Variants in ZNF317 observed in about 807,000 individuals in gnomAD.
ZNF317 encodes zinc finger protein 317.
Under a neutral mutation model 23.4 loss-of-function variants are expected in ZNF317, and 17 were observed. The ratio of observed to expected loss-of-function variants is 0.73; its 90% CI spans 0.50 to 1.09. The LOEUF (loss-of-function observed/expected upper bound fraction) is 1.09. Among genes scored for constraint, ZNF317 ranks in the 50% least tolerant of loss-of-function variants. The probability of loss-of-function intolerance (pLI) is 0.00; values close to 1 mark genes in which losing one functional copy is unlikely to be tolerated. For missense variants in ZNF317, 679 were observed against 796.7 expected (o/e 0.85, Z 1.78); for synonymous variants, 317 against 314.9 (o/e 1.01, Z -0.07).
At chr19:9,156,506 G>A in intron 2 of ZNF317, 106 bp from the exon 3 acceptor site, 1 of 1,390,790 alleles carries the variant, frequency 7.2e-7, no homozygotes, top group Non-Finnish European at 9.8e-7. Context: ...AGAGGATTGA[G>A]GATGTGAACA....
At chr19:9,158,358 T>G (rs2050808959) in intron 5 of ZNF317, among the ~76,000 whole-genome samples, 1 of 136,626 alleles carries the variant, frequency 7.3e-6, no homozygotes, top group African/African-American at 2.9e-5. Context: ...TTAAATTTCT[T>G]TTTTCTTTTT....
rs571101311 is a variant in ZNF317, at chr19:9,146,681, C to T, written c.-93+6089C>T. 4.6e-5 allele frequency among the ~76,000 whole-genome samples: 7 copies of T among 152,192 alleles called. No individual in the cohort carries two copies. The East Asian group carries it at 1.4e-3, about 29-fold the overall frequency. Reference sequence around the variant, plus strand: ...CTGACTTCAAATGATCTGCCCGCCTCAGCCTCCCAAAGTGCTGAGATTACA... The same window carrying T: ...CTGACTTCAAATGATCTGCCCGCCTTAGCCTCCCAAAGTGCTGAGATTACA... On this transcript the variant is annotated intron_variant, in intron 1 of 6. Transcript: ENST00000247956.
At chr19:9,146,719 C>T (rs1311128826) in intron 1 of ZNF317, among the ~76,000 whole-genome samples, 1 of 152,108 alleles carries the variant, frequency 6.6e-6, no homozygotes, top group Admixed American at 6.6e-5. Flanking sequence ...CATGAGCCAC[C>T]ATGCTGGGCC....
chr19:9,155,970 G>T lies in ZNF317; in HGVS notation c.-47G>T, dbSNP rs1305524307. The T allele has an allele frequency of 1.9e-6, 3 of 1,613,756 alleles. No homozygotes were observed. In the African/African-American group the frequency reaches 4.0e-5, roughly 22 times the overall value. ...GTGAGAGCAAGAGAGTAGCTTTCTG[G>T]TTGTCCTGGTGCCCTGCTCAGGCAA... On this transcript the variant is annotated 5_prime_UTR_variant, in exon 2 of 7. Transcript: ENST00000247956.
At chr19:9,149,403 C>A (rs765639788) in intron 1 of ZNF317, among the ~76,000 whole-genome samples, 1 of 151,952 alleles carries the variant, frequency 6.6e-6, no homozygotes, top group South Asian at 2.1e-4. Flanking sequence ...ACCCGGGAGG[C>A]GCAGGTTGCA....
rs1353302614 is a variant in ZNF317, at chr19:9,160,409, G to A, written c.764G>A (p.Cys255Tyr). 3.7e-6 allele frequency: 6 copies of A among 1,614,250 alleles called. No individual in the cohort carries two copies. Among genetic ancestry groups the A allele is most frequent in the Non-Finnish European group, 5.1e-6 (6 of 1,180,056 alleles). The change falls in exon 7 of 7, where the codon TGC (cysteine) becomes TAC (tyrosine). Residue 255 changes from cysteine to tyrosine, a missense_variant. Cys to Tyr is a radical substitution (Grantham distance 194, BLOSUM62 -2). Transcript: ENST00000247956. This position sits in a 1 kb window ranked among gnomAD's most constrained non-coding sequence, Gnocchi z 6.8. ...GAGAAGCCTTACGAGTGCAGCGACT[G>A]CGGGAAAGCCTTCAACGACCCTTCA... ...TGEKPYECSD[C>Y]GKAFNDPSAL...
intron 4 of ZNF317, chr19:9,157,694 T>TAATTTA: frequency 2.0e-6 from 1 of 501,082 alleles, no homozygotes; most frequent in Non-Finnish European, 2.9e-6. Context: ...TTTTTTTTTT[T>TAATTTA]TTTTTTTTAT....
Position 9,157,983 on chromosome 19 carries a change from A to T in ZNF317, c.293A>T (p.Tyr98Phe). The change falls in exon 5 of 7, where the codon TAT becomes TTT. Residue 98 changes from tyrosine to phenylalanine, a missense_variant. By Grantham distance (22) the Tyr-to-Phe change is conservative. Transcript: ENST00000247956. Reference sequence around the variant, plus strand: ...TGTGTCTTTCCCGTGAGTGTAGGGTATCAGGTCGGCAAACCCAGCCTCATC... The same window carrying T: ...TGTGTCTTTCCCGTGAGTGTAGGGTTTCAGGTCGGCAAACCCAGCCTCATC... Reference protein sequence around the residue: ...ENYSNLTSLGYQVGKPSLISH... With the variant: ...ENYSNLTSLGFQVGKPSLISH... 1 of 1,551,386 alleles carries T rather than the reference A, an allele frequency of 6.4e-7. No individual in the cohort carries two copies. The highest frequency in any genetic ancestry group is 8.7e-7 in the Non-Finnish European group (1 of 1,146,820).
rs374974069 is a variant in ZNF317, at chr19:9,161,114, G to A, written c.1469G>A (p.Arg490Gln). The change falls in exon 7 of 7, where the codon CGG becomes CAG. Residue 490 changes from arginine to glutamine, a missense_variant. Physicochemically the swap from Arg to Gln is conservative, Grantham distance 43. Coordinates refer to ENST00000247956, the MANE Select transcript of ZNF317 (RefSeq NM_020933.5). This position sits in a 1 kb window ranked among gnomAD's most constrained non-coding sequence, Gnocchi z 4.0. The stretch of plus-strand genomic sequence containing the variant: ...GTCTTCGGTGACTATTTATCCCGGC[G>A]GAGGCACATGAGCGTTCACCTTGTA... Reference protein sequence around the residue: ...GKVFGDYLSRRRHMSVHLVKK... With the variant: ...GKVFGDYLSRQRHMSVHLVKK... 1.2e-5 allele frequency: 20 copies of A among 1,614,074 alleles called. No homozygotes were observed. Among genetic ancestry groups the A allele is most frequent in the African/African-American group, 4.0e-5 (3 of 74,922 alleles).
chr19:9,154,412 C>T lies in ZNF317; in HGVS notation c.-92-1513C>T, dbSNP rs546114146. Among the ~76,000 whole-genome samples, 6 of 152,132 alleles carry T rather than the reference C, an allele frequency of 3.9e-5. No homozygotes were observed. The South Asian group carries it at 8.3e-4, about 21-fold the overall frequency. On this transcript the variant is annotated intron_variant, in intron 1 of 6. Transcript: ENST00000247956. ...TGTCTTATCCTCCATTGAAGAAACC[C>T]CCTTTTTTTTTTCAATTCTATCAAC...
At chr19:9,149,244 C>T (rs1176785808) in intron 1 of ZNF317, among the ~76,000 whole-genome samples, 2 of 152,048 alleles carry the variant, frequency 1.3e-5, no homozygotes, top group African/African-American at 2.4e-5. Flanking sequence ...GTGGCCAAGG[C>T]GGGTGGATCA....
At chr19:9,152,931 G>A (rs2050748610) in intron 1 of ZNF317, among the ~76,000 whole-genome samples, 1 of 152,122 alleles carries the variant, frequency 6.6e-6, no homozygotes, top group African/African-American at 2.4e-5. Flanking sequence ...ATTTCCGTAA[G>A]GTCGGTAGTA....
intron 1 of ZNF317, among the ~76,000 whole-genome samples, chr19:9,149,378 G>A (rs181923758): frequency 4.6e-5 from 7 of 152,046 alleles, no homozygotes; most frequent in African/African-American, 1.4e-4. Context: ...AGCCTGAGGC[G>A]GGAGAATCAC....
chr19:9,158,805 T>C, intron 5 of ZNF317, 21 bp from the exon 6 acceptor site: 1 of 1,513,064 alleles, frequency 6.6e-7, no homozygotes, highest in Non-Finnish European at 9.2e-7. Flanking sequence ...CAACAATTAA[T>C]ACTTTTCCAA....
rs75488018 is a variant in ZNF317 at position 9,149,066 on chromosome 19, G to A, written c.-92-6859G>A. On this transcript the variant is annotated intron_variant, in intron 1 of 6. Coordinates refer to ENST00000247956, the MANE Select transcript of ZNF317 (RefSeq NM_020933.5). ...GTTGAACAAGTGACATGAGCAAGGC[G>A]TAAACTTTCCATTTTATTGAGTCAT... is the stretch of plus-strand genomic sequence containing the variant. Among the ~76,000 whole-genome samples, 763 of 152,276 alleles carry A rather than the reference G, an allele frequency of 5.0e-3. 1 individual carries two copies. Among genetic ancestry groups the A allele is most frequent in the Non-Finnish European group, 8.3e-3 (563 of 68,032 alleles).
In ZNF317 at chr19:9,161,426, T is replaced by C. The variant is rs2050855813; in HGVS notation, c.1781T>C (p.Leu594Pro). The C allele has an allele frequency of 3.1e-6, 5 of 1,610,342 alleles. No homozygotes were observed. The highest frequency in any genetic ancestry group is 1.1e-5 in the South Asian group (1 of 90,818). ...TTTGTGTCATCCGTGTGGAAAAGGC[T>C]CCAGTGAGCGCGCCTGCTTTAGAGA... ...KLFVSSVWKR[L>P]Q Residue 594 changes from leucine (L) to proline (P), a missense_variant, in exon 7 of 7, where the codon CTC (leucine) becomes CCC (proline). Physicochemically the swap from Leu to Pro is moderately conservative, Grantham distance 98. Coordinates refer to ENST00000247956, the MANE Select transcript of ZNF317 (RefSeq NM_020933.5). This position sits in a 1 kb window ranked among gnomAD's most constrained non-coding sequence, Gnocchi z 4.0.
chr19:9,156,141 A>G, intron 2 of ZNF317, 100 bp downstream of exon 2: 1 of 1,473,050 alleles, frequency 6.8e-7, no homozygotes, highest in African/African-American at 1.4e-5. Flanking sequence ...GGCTGCTGGG[A>G]GAGGATGGGC....
intron 6 of ZNF317, among the ~76,000 whole-genome samples, chr19:9,159,850 A>G (rs764177512): frequency 3.3e-5 from 5 of 152,218 alleles, no homozygotes; most frequent in Non-Finnish European, 5.9e-5. Flanking sequence ...CCCAGCCTCA[A>G]TTCAGTTTTA....
intron 5 of ZNF317, among the ~76,000 whole-genome samples, chr19:9,158,619 G>A (rs576944478): frequency 1.2e-4 from 18 of 151,896 alleles, no homozygotes; most frequent in Admixed American, 9.8e-4. Flanking sequence ...GATTACAGGC[G>A]TGAGCCACTG....
Sources: gnomAD v4.1 joint callset for allele counts (sites outside exome capture counted in the v4.1 genomes callset) on GRCh38, gnomAD v4.1.1 for gene constraint, Gnocchi (gnomAD v3.1) non-coding constraint, MANE v1.5 for transcripts, NCBI Gene and HGNC (gene_info 2026-07-23, HGNC 2026-07-21) for gene names.